KCNB2: variants seen among roughly 807,000 people sequenced by gnomAD.
KCNB2 encodes the protein delayed rectifier potassium channel protein.
In KCNB2, 15 loss-of-function variants were observed where a neutral mutation model predicts 61.5. The observed-to-expected ratio is 0.24, with a 90% confidence interval of 0.16 to 0.38. KCNB2 has a LOEUF of 0.38. Ranked by LOEUF, KCNB2 falls within the 10% of genes least tolerant of loss-of-function variation. The pLI is 1.00. For synonymous variants in KCNB2, 457 were observed against 446.0 expected (o/e 1.02, Z -0.31); for missense variants, 828 against 1,125.2 (o/e 0.74, Z 3.78).
rs35499870 is a variant in KCNB2 at position 72,672,634 on chromosome 8, CT to C, written c.579+104331del. Reference sequence around the variant, plus strand: ...ATGTCTTGAATTTAACAAAAGAGCTCTTTTTTTTTTAATATAACAGCAACTG... The same window carrying C: ...ATGTCTTGAATTTAACAAAAGAGCTCTTTTTTTTTAATATAACAGCAACTG... On this transcript the variant is annotated intron_variant, in intron 2 of 2. Transcript: ENST00000523207. Among the ~76,000 whole-genome samples the C allele has an allele frequency of 2.0e-3, 300 of 147,692 alleles. 2 individuals carry two copies. The highest frequency in any genetic ancestry group is 6.1e-3 in the African/African-American group (248 of 40,330).
intron 2 of KCNB2, among the ~76,000 whole-genome samples, chr8:72,765,218 C>T (rs925334435): frequency 6.6e-6 from 1 of 152,208 alleles, no homozygotes; most frequent in African/African-American, 2.4e-5. Flanking sequence ...CCAGAGTTGT[C>T]TGTCAACAGT....
intron 2 of KCNB2, among the ~76,000 whole-genome samples, chr8:72,721,262 C>T (rs931499285): frequency 6.6e-6 from 1 of 152,240 alleles, no homozygotes; most frequent in African/African-American, 2.4e-5. Flanking sequence ...CTCTCAAGCC[C>T]AGCCCACATA....
chr8:72,900,686 G>A (rs1451555585), intron 2 of KCNB2, among the ~76,000 whole-genome samples: 1 of 152,084 alleles, frequency 6.6e-6, no homozygotes, highest in Non-Finnish European at 1.5e-5. Flanking sequence ...ATGGGCAAAA[G>A]ACATGAACAG....
chr8:72,645,012 GAGT>G (rs1806108289), intron 2 of KCNB2, among the ~76,000 whole-genome samples: 1 of 152,166 alleles, frequency 6.6e-6, no homozygotes, highest in African/African-American at 2.4e-5. Context: ...AACAGTGCCA[GAGT>G]TTCCTATACA....
At chr8:72,914,056 G>T (rs1806348580) in intron 2 of KCNB2, among the ~76,000 whole-genome samples, 1 of 152,152 alleles carries the variant, frequency 6.6e-6, no homozygotes, top group Admixed American at 6.5e-5. Context: ...AGTTCTTGAG[G>T]CTAGGAAGTC....
chr8:72,794,723 T>C (rs1809002262), intron 2 of KCNB2, among the ~76,000 whole-genome samples: 1 of 152,146 alleles, frequency 6.6e-6, no homozygotes, highest in Non-Finnish European at 1.5e-5. Context: ...CAAGATCTAA[T>C]AGGCAATTGA....
At chr8:72,571,296 T>C (rs976096214) in intron 2 of KCNB2, among the ~76,000 whole-genome samples, 4 of 152,214 alleles carry the variant, frequency 2.6e-5, no homozygotes, top group African/African-American at 9.6e-5. Flanking sequence ...GGTATTTCTC[T>C]GACAATAGCA....
intron 2 of KCNB2, among the ~76,000 whole-genome samples, chr8:72,909,606 G>A (rs994259315): frequency 6.6e-6 from 1 of 152,138 alleles, no homozygotes; most frequent in African/African-American, 2.4e-5. Context: ...TGTACTCGAG[G>A]AGCAAGAAAT....
intron 2 of KCNB2, among the ~76,000 whole-genome samples, chr8:72,861,810 T>C (rs1230790116): frequency 6.6e-6 from 1 of 152,224 alleles, no homozygotes; most frequent in Admixed American, 6.5e-5. Flanking sequence ...GGCCTCCTAA[T>C]GTCCCATGAA....
intron 2 of KCNB2, among the ~76,000 whole-genome samples, chr8:72,672,418 A>G (rs1225538542): frequency 2.0e-5 from 3 of 152,170 alleles, no homozygotes; most frequent in Non-Finnish European, 4.4e-5. Context: ...GCAATTATCA[A>G]CATGCTAACA....
intron 2 of KCNB2, among the ~76,000 whole-genome samples, chr8:72,639,508 T>C (rs1049437323): frequency 1.3e-5 from 2 of 152,166 alleles, no homozygotes; most frequent in African/African-American, 4.8e-5. Flanking sequence ...CAACAGGGCC[T>C]CCTTAATCTG....
At chr8:72,713,800 G>A (rs1250056054) in intron 2 of KCNB2, among the ~76,000 whole-genome samples, 2 of 152,184 alleles carry the variant, frequency 1.3e-5, no homozygotes, top group African/African-American at 4.8e-5. Flanking sequence ...ATGGAACAAA[G>A]CTGGATGGAG....
intron 1 of KCNB2, among the ~76,000 whole-genome samples, chr8:72,544,630 A>C (rs1806233820): frequency 6.6e-6 from 1 of 152,208 alleles, no homozygotes; most frequent in Non-Finnish European, 1.5e-5. Flanking sequence ...TCCACCTCCC[A>C]ATACAGGTCA....
chr8:72,803,492 C>T (rs919681178), intron 2 of KCNB2, among the ~76,000 whole-genome samples: 1 of 152,204 alleles, frequency 6.6e-6, no homozygotes, highest in Non-Finnish European at 1.5e-5. Flanking sequence ...TCTCTATACA[C>T]TGGACACAAT....
intron 2 of KCNB2, among the ~76,000 whole-genome samples, chr8:72,893,036 A>G (rs1399327009): frequency 1.3e-5 from 2 of 151,790 alleles, no homozygotes; most frequent in Non-Finnish European, 2.9e-5. Flanking sequence ...TGACCTTAGG[A>G]TAGTGAATAT....
chr8:72,690,038 T>TAAA (rs5892360), intron 2 of KCNB2, among the ~76,000 whole-genome samples: 64,444 of 148,430 alleles, frequency 0.43, 15,005 homozygotes, highest in Non-Finnish European at 0.55. Flanking sequence ...GCCCTCGCCA[T>TAAA]AAAAAAAAAA....
Position 72,593,390 on chromosome 8 carries a change from T to A in KCNB2, c.579+25077T>A, listed in dbSNP as rs1306963206. On this transcript the variant is annotated intron_variant, in intron 2 of 2. Coordinates refer to ENST00000523207, the MANE Select transcript of KCNB2 (RefSeq NM_004770.3). ...TGATGTGTTAGATTATCTCTTTGGT[T>A]ATGGAAAAGGCAAAAGAAACTGGCT... is the stretch of plus-strand genomic sequence containing the variant. Among the ~76,000 whole-genome samples the A allele has an allele frequency of 2.0e-5, 3 of 152,180 alleles. No homozygotes were observed. The East Asian group carries it at 5.8e-4, about 29-fold the overall frequency.
chr8:72,733,840 G>A (rs1807792751), intron 2 of KCNB2, among the ~76,000 whole-genome samples: 2 of 152,104 alleles, frequency 1.3e-5, no homozygotes, highest in Admixed American at 1.3e-4. Flanking sequence ...ATTCTTGGAG[G>A]TGGGAAGGGG....
At chr8:72,792,524 G>A (rs1334482737) in intron 2 of KCNB2, among the ~76,000 whole-genome samples, 1 of 152,132 alleles carries the variant, frequency 6.6e-6, no homozygotes, top group African/African-American at 2.4e-5. Flanking sequence ...AGGCCAAATT[G>A]TATTGACCGT....
Sources: gnomAD v4.1 joint callset for allele counts (sites outside exome capture counted in the v4.1 genomes callset) on GRCh38, gnomAD v4.1.1 for gene constraint, MANE v1.5 for transcripts, NCBI Gene and HGNC (gene_info 2026-07-23, HGNC 2026-07-21) for gene names.